The following PEPD variants were observed in gnomAD, a reference collection of about 807,000 sequenced individuals.
PEPD encodes peptidase D.
A neutral mutation model predicts 60.7 loss-of-function variants in PEPD; 53 were observed. That is an observed-to-expected ratio of 0.87 (90% CI 0.70 to 1.10). The LOEUF is 1.10. Among genes scored for constraint, PEPD ranks in the 50% least tolerant of loss-of-function variants. The pLI is 0.00. For missense variants in PEPD, 711 were observed against 711.9 expected, an observed-to-expected ratio of 1.00 and a Z score of 0.01; for synonymous variants, 267 against 284.1, an observed-to-expected ratio of 0.94 and a Z score of 0.60.
chr19:33,506,920 GC>G (rs912808194), intron 3 of PEPD, among the ~76,000 whole-genome samples: 4 of 120,862 alleles, frequency 3.3e-5, no homozygotes, highest in South Asian at 2.6e-4. Flanking sequence ...CACAGCACAT[GC>G]CCCCCCCACA....
At chr19:33,480,749 C>T (rs183698013) in intron 6 of PEPD, among the ~76,000 whole-genome samples, 6 of 151,972 alleles carry the variant, frequency 3.9e-5, no homozygotes, top group African/African-American at 1.2e-4. Flanking sequence ...GAGCCAAGAT[C>T]GCACCACTGC....
chr19:33,408,702 C>T (rs568611655), intron 11 of PEPD, among the ~76,000 whole-genome samples: 7 of 152,326 alleles, frequency 4.6e-5, no homozygotes, highest in South Asian at 4.1e-4. Flanking sequence ...TTGCAGCAGG[C>T]GCACTGCTCT....
intron 9 of PEPD, among the ~76,000 whole-genome samples, chr19:33,460,013 C>T (rs1441209930): frequency 6.6e-6 from 1 of 152,148 alleles, no homozygotes; most frequent in African/African-American, 2.4e-5. Context: ...CAGCGATTCA[C>T]ACAGCAGTGC....
At chr19:33,388,207 G>T in intron 13 of PEPD, 126 bp from the exon 14 acceptor site, 1 of 793,442 alleles carries the variant, frequency 1.3e-6, no homozygotes, top group Non-Finnish European at 2.1e-6. Flanking sequence ...GGGGTCCTCA[G>T]CCTAGACTCG....
At chr19:33,444,084 T>G (rs1158647046) in intron 9 of PEPD, among the ~76,000 whole-genome samples, 1 of 151,772 alleles carries the variant, frequency 6.6e-6, no homozygotes, top group African/African-American at 2.4e-5. Flanking sequence ...CGCGCACACA[T>G]ACAAAGTGTG....
intron 2 of PEPD, among the ~76,000 whole-genome samples, chr19:33,512,306 C>A (rs1027232705): frequency 6.6e-6 from 1 of 152,312 alleles, no homozygotes; most frequent in East Asian, 1.9e-4. Context: ...CACAGTCTTC[C>A]TGGGTGGGTG....
Position 33,386,978 on chromosome 19 carries a change from ATGCCATTC to A in PEPD, c.*358_*365del, listed in dbSNP as rs1285486952. 3.5e-6 allele frequency: 1 copy of A among 284,818 alleles called. No homozygotes were observed. The highest frequency in any genetic ancestry group is 6.7e-6 in the Non-Finnish European group (1 of 149,298). The allele number at this position is 284,818 out of a possible 1,614,324, so 17.6% of individuals were successfully genotyped here. A position where few individuals can be genotyped will look rare whatever the true frequency, so the allele number is the denominator to read the frequency against. On this transcript the variant is annotated 3_prime_UTR_variant, in exon 15 of 15. Transcript: ENST00000244137. ...CATTTTAGGAAACCTTTTATTGCAA[ATGCCATTC>A]TGCATATTGATTTTTGACAGAAAGT...
At chr19:33,419,374 T>G (rs1298726031) in intron 9 of PEPD, among the ~76,000 whole-genome samples, 3 of 152,182 alleles carry the variant, frequency 2.0e-5, no homozygotes, top group Non-Finnish European at 4.4e-5. Context: ...TGAGGCAGGT[T>G]GTGTAGCTGC....
intron 9 of PEPD, among the ~76,000 whole-genome samples, chr19:33,429,760 G>A (rs1327234488): frequency 6.6e-6 from 1 of 152,106 alleles, no homozygotes; most frequent in Non-Finnish European, 1.5e-5. Flanking sequence ...CAGAACAATA[G>A]TACAAAGAGC....
At chr19:33,431,691 T>C (rs1358270903) in intron 9 of PEPD, among the ~76,000 whole-genome samples, 2 of 152,084 alleles carry the variant, frequency 1.3e-5, no homozygotes, top group Non-Finnish European at 2.9e-5. Context: ...CCTGGCCTCA[T>C]GATCAAAATG....
At chr19:33,401,655 C>A (rs750136950) in intron 12 of PEPD, 66 bp downstream of exon 12, 5 of 1,462,822 alleles carry the variant, frequency 3.4e-6, no homozygotes, top group Non-Finnish European at 4.7e-6. Context: ...CCTGCAGGCA[C>A]CTGCCACATA....
rs190026340 is a variant in PEPD at position 33,435,751 on chromosome 19, A to T, written c.672-22108T>A. Among the ~76,000 whole-genome samples, 330 of 152,076 alleles carry T rather than the reference A, an allele frequency of 2.2e-3. 1 individual carries two copies. The highest frequency in any genetic ancestry group is 0.02 in the South Asian group (96 of 4,804). ...AATCACGACAGGACTGGGTGTCAGAACCTCCCAGGGCCATGGGCAGAGGCC... is the reference window on the plus strand; with the variant it reads ...AATCACGACAGGACTGGGTGTCAGATCCTCCCAGGGCCATGGGCAGAGGCC... On this transcript the variant is annotated intron_variant, in intron 9 of 14. Transcript: ENST00000244137.
At position 33,511,173 on chromosome 19, in the gene PEPD, A is replaced by C; in HGVS notation, c.202-18T>G. The C allele has an allele frequency of 1.2e-6, 2 of 1,613,586 alleles. No homozygotes were observed. Among genetic ancestry groups the C allele is most frequent in the Non-Finnish European group, 8.5e-7 (1 of 1,179,708 alleles). ...AAGGACTCCTGTGGCGGGAACAAGA[A>C]CTATTGTTAGCCAGTGGAACATGAG... On this transcript the variant is annotated intron_variant, in intron 2 of 14. Transcript: ENST00000244137.
At chr19:33,415,511 AAATCAATC>A (rs764289944) in intron 9 of PEPD, among the ~76,000 whole-genome samples, 2 of 152,150 alleles carry the variant, frequency 1.3e-5, no homozygotes, top group African/African-American at 2.4e-5. Context: ...AGCTCTCAAA[AAATCAATC>A]AATCAATCAA....
In PEPD at chr19:33,460,378, A is replaced by G. The variant is rs1969903987; in HGVS notation, c.671+2617T>C. On this transcript the variant is annotated intron_variant, in intron 9 of 14. Coordinates refer to ENST00000244137, the MANE Select transcript of PEPD (RefSeq NM_000285.4). ...CTCGAGGCGGAAGAAGTGTCAGCCC[A>G]CCTCCCTGGCTGCAGATGTCCCCAG... Among the ~76,000 whole-genome samples, 21 of 151,838 alleles carry G rather than the reference A, an allele frequency of 1.4e-4. No homozygotes were observed. In the South Asian group the frequency reaches 4.4e-3, roughly 32 times the overall value.
At chr19:33,453,656 G>A (rs1969742346) in intron 9 of PEPD, among the ~76,000 whole-genome samples, 1 of 152,198 alleles carries the variant, frequency 6.6e-6, no homozygotes, top group African/African-American at 2.4e-5. Flanking sequence ...ATATGCACTA[G>A]GAAACACGAA....
chr19:33,472,620 G>A (rs897932234), intron 7 of PEPD, among the ~76,000 whole-genome samples: 3 of 152,180 alleles, frequency 2.0e-5, no homozygotes, highest in Non-Finnish European at 4.4e-5. Flanking sequence ...TCACAGCACT[G>A]CCTCTGAGCA....
chr19:33,402,707 G>A (rs536674113), intron 11 of PEPD, among the ~76,000 whole-genome samples: 5 of 152,302 alleles, frequency 3.3e-5, no homozygotes, highest in South Asian at 2.1e-4. Context: ...GGCACCCTCC[G>A]GTGGCAGGCA....
At chr19:33,423,104 C>G (rs2145383385) in intron 9 of PEPD, among the ~76,000 whole-genome samples, 1 of 151,562 alleles carries the variant, frequency 6.6e-6, no homozygotes, top group East Asian at 2.0e-4. Flanking sequence ...ATCATCCATC[C>G]ATCCATCCAT....
Sources: gnomAD v4.1 joint callset for allele counts (sites outside exome capture counted in the v4.1 genomes callset) on GRCh38, gnomAD v4.1.1 for gene constraint, MANE v1.5 for transcripts, NCBI Gene and HGNC (gene_info 2026-07-23, HGNC 2026-07-21) for gene names.